The following EPB41 variants were observed in gnomAD, a reference collection of about 807,000 sequenced individuals.
EPB41 encodes the protein protein 4.1.
In EPB41, 65 loss-of-function variants were observed where a neutral mutation model predicts 108.0. The observed-to-expected ratio is 0.60, with a 90% CI of 0.49 to 0.74. EPB41 has a LOEUF of 0.74. Among genes scored for constraint, EPB41 ranks in the 30% least tolerant of loss-of-function variants. The pLI is 0.00. For missense variants in EPB41, 875 were observed against 1,037.0 expected (o/e 0.84, Z 2.15); for synonymous variants, 336 against 358.9 (o/e 0.94, Z 0.72).
Position 29,115,324 on chromosome 1 carries a change from C to T in EPB41, c.2497-375C>T, listed in dbSNP as rs952506788. Among the ~76,000 whole-genome samples the T allele has an allele frequency of 5.3e-5, 8 of 151,966 alleles. No homozygotes were observed. Among genetic ancestry groups the T allele is most frequent in the Non-Finnish European group, 1.2e-4 (8 of 67,998 alleles). The stretch of plus-strand genomic sequence containing the variant: ...AGGAGAACTGCTTGAACCTGGGAGG[C>T]GGAGGTTGCAGTGAGCCGAGATTGC... On this transcript the variant is annotated intron_variant, in intron 19 of 20. Coordinates refer to ENST00000343067, the MANE Select transcript of EPB41 (RefSeq NM_001376013.1). The surrounding 1 kb of genome is among the most constrained non-coding windows in gnomAD (Gnocchi z 4.4).
Position 29,033,116 on chromosome 1 carries a change from C to G in EPB41, c.1236C>G (p.Ile412Met), listed in dbSNP as rs759443710. 3 of 1,613,840 alleles carry G rather than the reference C, an allele frequency of 1.9e-6. No homozygotes were observed. The highest frequency in any genetic ancestry group is 2.5e-6 in the Non-Finnish European group (3 of 1,179,904). Residue 412 changes from isoleucine to methionine, a missense_variant, in exon 9 of 21, where the codon ATC becomes ATG. Around this residue, in one of 3 missense-constraint regions of EPB41, gnomAD observed 519 missense variants for 627.3 expected, o/e 0.83. Coordinates refer to ENST00000343067, the MANE Select transcript of EPB41 (RefSeq NM_001376013.1). ...AGGACTTGGAAGGAGTAGATATCAT[C>G]CTAGGTGTCTGCTCTAGTGGCCTTC... is the stretch of plus-strand genomic sequence containing the variant. ...KAKDLEGVDIILGVCSSGLLV... is the reference protein window; with the variant it reads ...KAKDLEGVDIMLGVCSSGLLV...
At chr1:28,910,333 G>A (rs1570371478), upstream of EPB41, among the ~76,000 whole-genome samples, 1 of 151,468 alleles carries the variant, frequency 6.6e-6, no homozygotes, top group Non-Finnish European at 1.5e-5. Flanking sequence ...TAAAATAACT[G>A]TGATTTTTTA....
chr1:29,047,412 G>A (rs554404904), intron 11 of EPB41, among the ~76,000 whole-genome samples: 1 of 138,738 alleles, frequency 7.2e-6, no homozygotes, highest in East Asian at 2.0e-4. Flanking sequence ...ACCGCGCCTG[G>A]CTAATTTTTT....
At chr1:28,947,412 A>G (rs775668125) in intron 1 of EPB41, among the ~76,000 whole-genome samples, 118 of 5,384 alleles carry the variant, frequency 0.022, no homozygotes, top group East Asian at 0.2. Flanking sequence ...GTCTCAGACA[A>G]ACAAACAAAC....
chr1:29,051,835 T>C (rs1158805734), intron 11 of EPB41, among the ~76,000 whole-genome samples: 1 of 151,244 alleles, frequency 6.6e-6, no homozygotes, highest in Admixed American at 6.6e-5. Context: ...GAGGCGGAGA[T>C]TCTAGTGAGC....
intron 4 of EPB41, among the ~76,000 whole-genome samples, chr1:29,010,052 T>C (rs1042800427): frequency 6.6e-6 from 1 of 152,116 alleles, no homozygotes; most frequent in Non-Finnish European, 1.5e-5. Context: ...TAAATACCAC[T>C]GTCTCTGGGT....
intron 1 of EPB41, among the ~76,000 whole-genome samples, chr1:28,905,391 G>T (rs2091718973): frequency 6.6e-6 from 1 of 151,658 alleles, no homozygotes; most frequent in African/African-American, 2.4e-5. Flanking sequence ...CAGCTACTCG[G>T]GAAGCTGAGG....
intron 1 of EPB41, among the ~76,000 whole-genome samples, chr1:28,925,197 T>C (rs957280836): frequency 6.6e-6 from 1 of 151,992 alleles, no homozygotes; most frequent in Non-Finnish European, 1.5e-5. Context: ...ACTCCTGACC[T>C]TGTGATCCGC....
At chr1:28,986,165 A>G (rs896653708) in intron 1 of EPB41, among the ~76,000 whole-genome samples, 14 of 152,040 alleles carry the variant, frequency 9.2e-5, no homozygotes, top group African/African-American at 2.4e-4. Flanking sequence ...TGAACTCATC[A>G]TTTTTTATGG....
chr1:29,086,192 T>C (rs1658826222), intron 16 of EPB41, among the ~76,000 whole-genome samples: 1 of 151,676 alleles, frequency 6.6e-6, no homozygotes, highest in Non-Finnish European at 1.5e-5. Context: ...GGTTAGGAAA[T>C]AGAGAAAAAC....
chr1:28,894,689 A>C (rs938522168), intron 1 of EPB41, among the ~76,000 whole-genome samples: 1 of 151,952 alleles, frequency 6.6e-6, no homozygotes, highest in African/African-American at 2.4e-5. Context: ...TCCAGGTGTG[A>C]CCCTGGACAA....
rs2096070613 is a variant in EPB41 at position 28,993,278 on chromosome 1, A to G, written c.469-52A>G. On this transcript the variant is annotated intron_variant, in intron 2 of 20. Coordinates refer to ENST00000343067, the MANE Select transcript of EPB41 (RefSeq NM_001376013.1). ...TATTATAGGTAAAAGCATATACAGC[A>G]TGTTTTGTGAAATGTGTTTATTACT... is the stretch of plus-strand genomic sequence containing the variant. 5.7e-6 allele frequency: 8 copies of G among 1,404,210 alleles called. No homozygotes were observed. The South Asian group carries it at 9.3e-5, about 16-fold the overall frequency. The allele number at this position is 1,404,210 out of a possible 1,614,324, so 87.0% of individuals were successfully genotyped here.
intron 19 of EPB41, among the ~76,000 whole-genome samples, chr1:29,112,958 G>C (rs1669695274): frequency 6.6e-6 from 1 of 152,184 alleles, no homozygotes; most frequent in Admixed American, 6.5e-5. Context: ...ACACGAGCGG[G>C]AGCATAGTAT....
chr1:29,030,929 T>C (rs1002955224), intron 8 of EPB41, among the ~76,000 whole-genome samples: 8 of 151,880 alleles, frequency 5.3e-5, no homozygotes, highest in Non-Finnish European at 1.2e-4. Context: ...TTCACGCCAT[T>C]CTCCTGCCTC....
chr1:28,949,612 A>T lies in EPB41; in HGVS notation c.-8+34844A>T, dbSNP rs2930834. Among the ~76,000 whole-genome samples, 689 of 146,186 alleles carry T rather than the reference A, an allele frequency of 4.7e-3. 4 individuals carry two copies. Among genetic ancestry groups the T allele is most frequent in the Non-Finnish European group, 7.8e-3 (518 of 66,026 alleles). On this transcript the variant is annotated intron_variant, in intron 1 of 20. Coordinates refer to ENST00000343067, the MANE Select transcript of EPB41 (RefSeq NM_001376013.1). ...GTTATTTATTTATTTATTTATTTTT[A>T]TTTTTTTTTTAGATGGAGTCTCGCT...
At chr1:28,982,267 AAAC>A in intron 1 of EPB41, 1 of 512,084 alleles carries the variant, frequency 2.0e-6, no homozygotes, top group Admixed American at 2.4e-5. Context: ...TTAATGACCA[AAAC>A]AAAGCATCTA....
Position 29,097,795 on chromosome 1 carries a change from A to C in EPB41, c.2185-12A>C, listed in dbSNP as rs778500209. ...GAAATACTCTAGTAACTCTTTCCTT[A>C]CTGCTTCACAGCCTCCCCTGGTGAA... On this transcript the variant is annotated splice_polypyrimidine_tract_variant and intron_variant, in intron 16 of 20. Transcript: ENST00000343067. 6.2e-7 allele frequency: 1 copy of C among 1,613,702 alleles called. No individual in the cohort carries two copies. Among genetic ancestry groups the C allele is most frequent in the Non-Finnish European group, 8.5e-7 (1 of 1,179,636 alleles).
At chr1:28,913,003 C>T (rs1393993350), upstream of EPB41, among the ~76,000 whole-genome samples, 1 of 152,130 alleles carries the variant, frequency 6.6e-6, no homozygotes, top group Non-Finnish European at 1.5e-5. Flanking sequence ...GGGATGGAGT[C>T]TTGCTCTGTT....
intron 4 of EPB41, among the ~76,000 whole-genome samples, chr1:28,999,146 G>A (rs776428561): frequency 6.6e-5 from 10 of 152,128 alleles, no homozygotes; most frequent in East Asian, 1.9e-4. Flanking sequence ...TGAGGCGGGC[G>A]GATCACGAGG....
Sources: allele counts gnomAD v4.1 joint callset (sites outside exome capture counted in the v4.1 genomes callset), GRCh38; gene constraint gnomAD v4.1.1; regional missense constraint gnomAD v4.1.1; non-coding constraint Gnocchi (gnomAD v3.1); transcripts MANE v1.5; gene names NCBI Gene and HGNC (gene_info 2026-07-23, HGNC 2026-07-21).